COL14A1: variants seen among roughly 807,000 people sequenced by gnomAD.
COL14A1 encodes the protein collagen type XIV alpha 1 chain.
A neutral mutation model predicts 230.3 loss-of-function variants in COL14A1; 136 were observed. That is an observed-to-expected ratio of 0.59 (90% confidence interval 0.51 to 0.68). The LOEUF (loss-of-function observed/expected upper bound fraction) is 0.68. Ranked by LOEUF, COL14A1 falls within the 30% of genes least tolerant of loss-of-function variation. The pLI, the probability that COL14A1 is intolerant of heterozygous loss-of-function variation, is 0.00. For missense variants in COL14A1, 1,976 were observed against 2,215.8 expected (o/e 0.89, Z 2.17); for synonymous variants, 792 against 784.1 (o/e 1.01, Z -0.17).
At chr8:120,350,748 T>G (rs1224411005) in intron 45 of COL14A1, among the ~76,000 whole-genome samples, 1 of 146,092 alleles carries the variant, frequency 6.8e-6, no homozygotes, top group African/African-American at 2.5e-5. Context: ...AAGTCCTGAG[T>G]GACCTACAAA....
chr8:120,225,970 C>A (rs1414062028), intron 15 of COL14A1, among the ~76,000 whole-genome samples: 8 of 150,542 alleles, frequency 5.3e-5, no homozygotes, highest in Non-Finnish European at 1.5e-5. Context: ...TCATGGTGTC[C>A]TATCAAAAAG....
rs148944765 is a variant in COL14A1, at chr8:120,209,766, G to T, written c.1332G>T (p.Pro444=). The T allele has an allele frequency of 5.9e-5, 95 of 1,605,890 alleles. No individual in the cohort carries two copies. Among genetic ancestry groups the T allele is most frequent in the Non-Finnish European group, 7.6e-5 (90 of 1,177,316 alleles). ...AAAAATCTCTTGCAGTTGCTTTACC[G>T]ATGGCTTCTGACCTTCTACTGTACG... The part of the protein sequence containing the change: ...LRGTETTLAL[P]MASDLLLYDV... Residue 444 remains proline, a synonymous_variant, in exon 12 of 48, where the codon CCG becomes CCT. Transcript: ENST00000297848.
At chr8:120,219,381 G>T (rs897326838) in intron 14 of COL14A1, among the ~76,000 whole-genome samples, 1 of 152,312 alleles carries the variant, frequency 6.6e-6, no homozygotes, top group East Asian at 1.9e-4. Context: ...TGGAATTATA[G>T]GAGTGAGGCA....
At position 120,145,687 on chromosome 8, in the gene COL14A1, C is replaced by A. The variant is rs187101519; in HGVS notation, c.-37-2119C>A. 1.7e-3 allele frequency among the ~76,000 whole-genome samples: 259 copies of A among 152,004 alleles called. 2 individuals are homozygous for A. The highest frequency in any genetic ancestry group is 3.3e-3 in the Non-Finnish European group (227 of 67,986). ...AGCAGTTCTACAATTGGGAATTTAG[C>A]CAAAGTAAATAAATCATATATTAAA... On this transcript the variant is annotated intron_variant, in intron 1 of 47. Transcript: ENST00000297848.
At chr8:120,190,600 C>T (rs1336630389) in intron 5 of COL14A1, among the ~76,000 whole-genome samples, 1 of 152,110 alleles carries the variant, frequency 6.6e-6, no homozygotes, top group Non-Finnish European at 1.5e-5. Flanking sequence ...GTTTTCTCCT[C>T]TTTGTACCTC....
intron 45 of COL14A1, among the ~76,000 whole-genome samples, chr8:120,363,816 A>G (rs1823312248): frequency 6.6e-6 from 1 of 152,230 alleles, no homozygotes; most frequent in South Asian, 2.1e-4. Context: ...TTACTAAGAA[A>G]GCAAAGAATT....
At position 120,188,109 on chromosome 8, in the gene COL14A1, G is replaced by T. The variant is rs184918436; in HGVS notation, c.437-8682G>T. ...CTTTTTTTTTTTTTTTTGAGATGGC[G>T]TCTCGTTCTGTCACCCAGGCTGGAG... is the stretch of plus-strand genomic sequence containing the variant. On this transcript the variant is annotated intron_variant, in intron 5 of 47. Coordinates refer to ENST00000297848, the MANE Select transcript of COL14A1 (RefSeq NM_021110.4). Among the ~76,000 whole-genome samples the T allele has an allele frequency of 1.9e-3, 289 of 148,502 alleles. 10 individuals carry two copies. In the East Asian group the frequency reaches 0.042, roughly 21 times the overall value.
At chr8:120,348,537 G>A (rs1016073121) in intron 45 of COL14A1, among the ~76,000 whole-genome samples, 5 of 152,056 alleles carry the variant, frequency 3.3e-5, no homozygotes, top group Middle Eastern at 3.2e-3. Context: ...GGGGGAAAGG[G>A]TGGGAAGTGG....
intron 36 of COL14A1, among the ~76,000 whole-genome samples, chr8:120,305,353 A>G (rs569726759): frequency 2.0e-5 from 3 of 152,324 alleles, no homozygotes; most frequent in African/African-American, 4.8e-5. Flanking sequence ...ATAATTTACC[A>G]CCAATATTCT....
intron 40 of COL14A1, among the ~76,000 whole-genome samples, chr8:120,321,781 A>C (rs1483469560): frequency 6.6e-6 from 1 of 152,208 alleles, no homozygotes; most frequent in African/African-American, 2.4e-5. Context: ...GTAAACCAGC[A>C]GTTTCCTAAC....
intron 19 of COL14A1, among the ~76,000 whole-genome samples, chr8:120,232,718 C>A (rs1001247029): frequency 1.3e-5 from 2 of 152,112 alleles, no homozygotes; most frequent in African/African-American, 2.4e-5. Context: ...AGTAGTGCTG[C>A]AATAAACATG....
At chr8:120,336,517 C>G (rs1586876244) in intron 42 of COL14A1, among the ~76,000 whole-genome samples, 1 of 152,286 alleles carries the variant, frequency 6.6e-6, no homozygotes, top group Admixed American at 6.5e-5. Context: ...CCAAGAGGCT[C>G]TCATTGGCCC....
chr8:120,345,461 C>G lies in COL14A1; in HGVS notation c.4975C>G (p.Pro1659Ala), dbSNP rs137867605. ...GACTGTCCAAGGGCCTCCTGGGGAG[C>G]CTGGGAGGCCAGGCTCACCTGGAGC... The part of the protein sequence containing the change: ...IRTVQGPPGE[P>A]GRPGSPGAPG... Residue 1659 changes from proline to alanine, a missense_variant, in exon 45 of 48, where the codon CCT (proline) becomes GCT (alanine). Transcript: ENST00000297848. 1.3e-3 allele frequency: 2,142 copies of G among 1,602,606 alleles called. 3 individuals carry two copies. Among genetic ancestry groups the G allele is most frequent in the Non-Finnish European group, 1.8e-3 (2,061 of 1,174,826 alleles).
chr8:120,231,694 A>G, intron 19 of COL14A1, 76 bp downstream of exon 19: 3 of 1,456,900 alleles, frequency 2.1e-6, no homozygotes, highest in South Asian at 2.6e-5. Flanking sequence ...TCGGAGATCA[A>G]TGCAAACTTT....
At chr8:120,238,650 G>T (rs1418522799) in intron 19 of COL14A1, among the ~76,000 whole-genome samples, 1 of 152,140 alleles carries the variant, frequency 6.6e-6, no homozygotes, top group East Asian at 1.9e-4. Context: ...GGCATCATGG[G>T]GTATGAAAAT....
rs767822966 is a variant in COL14A1, at chr8:120,345,458, G to A, written c.4972G>A (p.Glu1658Lys). 6.2e-7 allele frequency: 1 copy of A among 1,602,994 alleles called. No individual in the cohort carries two copies. Among genetic ancestry groups the A allele is most frequent in the Non-Finnish European group, 8.5e-7 (1 of 1,175,020 alleles). ...SIRTVQGPPG[E>K]PGRPGSPGAP... ...CCGGACTGTCCAAGGGCCTCCTGGG[G>A]AGCCTGGGAGGCCAGGCTCACCTGG... The change falls in exon 45 of 48, where the codon GAG becomes AAG. Residue 1658 changes from glutamate to lysine, a missense_variant. Around this residue, in one of 3 missense-constraint regions of COL14A1, gnomAD observed 1,791 missense variants for 2,019.5 expected, o/e 0.89. Transcript: ENST00000297848.
intron 9 of COL14A1, among the ~76,000 whole-genome samples, chr8:120,205,584 AC>A (rs1310680367): frequency 1.3e-5 from 2 of 152,026 alleles, no homozygotes; most frequent in Non-Finnish European, 2.9e-5. Flanking sequence ...CTCTGTTGTA[AC>A]CAGTGTGAAA....
chr8:120,192,845 T>C (rs1447270970), intron 5 of COL14A1, among the ~76,000 whole-genome samples: 3 of 152,152 alleles, frequency 2.0e-5, no homozygotes, highest in Non-Finnish European at 4.4e-5. Context: ...CATTGGCTCC[T>C]GAGGCTTCTG....
At chr8:120,370,380 C>A in intron 47 of COL14A1, 4 of 1,611,516 alleles carry the variant, frequency 2.5e-6, no homozygotes, top group Non-Finnish European at 3.4e-6. Flanking sequence ...TGGAAATCCT[C>A]CACTCTGGTT....
Sources: allele counts gnomAD v4.1 joint callset (sites outside exome capture counted in the v4.1 genomes callset), GRCh38; gene constraint gnomAD v4.1.1; regional missense constraint gnomAD v4.1.1; transcripts MANE v1.5; gene names NCBI Gene and HGNC (gene_info 2026-07-23, HGNC 2026-07-21).